The following YWHAQ variants were observed in gnomAD, a reference collection of about 807,000 sequenced individuals.
YWHAQ encodes the protein tyrosine 3-monooxygenase/tryptophan 5-monooxygenase activation protein theta.
In YWHAQ, 6 loss-of-function variants were observed where a neutral mutation model predicts 28.3. The ratio of observed to expected loss-of-function variants is 0.21; its 90% CI spans 0.12 to 0.42. The LOEUF is 0.42. Among genes scored for constraint, YWHAQ ranks in the 10% least tolerant of loss-of-function variants. The pLI is 1.00. For missense variants in YWHAQ, 201 were observed against 305.6 expected (o/e 0.66, Z 2.55); for synonymous variants, 143 against 119.1 (o/e 1.20, Z -1.31).
chr2:9,589,054 T>A (rs1666403416), intron 3 of YWHAQ, among the ~76,000 whole-genome samples: 1 of 151,786 alleles, frequency 6.6e-6, no homozygotes, highest in Non-Finnish European at 1.5e-5. Flanking sequence ...CCCAGGAGGT[T>A]GAAGCTGCAG....
intron 2 of YWHAQ, among the ~76,000 whole-genome samples, chr2:9,593,236 CTTTT>C (rs34085406): frequency 7.0e-5 from 8 of 114,936 alleles, no homozygotes; most frequent in South Asian, 3.1e-4. Flanking sequence ...GCATCCATGT[CTTTT>C]TTTTTTTTTT....
chr2:9,611,708 ACCCAG>A (rs1299559497), intron 2 of YWHAQ, among the ~76,000 whole-genome samples: 1 of 151,848 alleles, frequency 6.6e-6, no homozygotes, highest in African/African-American at 2.4e-5. Flanking sequence ...TCACTGTGTC[ACCCAG>A]AGGCTGGAAT....
At chr2:9,591,317 ACTGTCATAGTGTCCCATTTATCCC>A in intron 3 of YWHAQ, 51 bp downstream of exon 3, 1 of 1,513,788 alleles carries the variant, frequency 6.6e-7, no homozygotes, top group Non-Finnish European at 8.9e-7. Flanking sequence ...GACTACGTAT[ACTGTCATAGTGTCCCATTTATCCC>A]CATTTCTTTT....
At chr2:9,604,202 G>A (rs1666772433) in intron 2 of YWHAQ, among the ~76,000 whole-genome samples, 1 of 152,104 alleles carries the variant, frequency 6.6e-6, no homozygotes, top group African/African-American at 2.4e-5. Flanking sequence ...TTTAATTATG[G>A]AGTTAGAAGA....
At position 9,630,242 on chromosome 2, in the gene YWHAQ, T is replaced by C. The variant is rs749499495; in HGVS notation, c.211A>G (p.Thr71Ala). ...VISSIEQKTD[T>A]SDKKLQLIKD... ...ATCAGCTGCAACTTCTTGTCGGAGG[T>C]GTCGGTCTTCTGCTCGATGCTAGAG... The change falls in exon 2 of 6, where the codon ACC becomes GCC. Residue 71 changes from threonine (T) to alanine (A), a missense_variant. Thr to Ala is a moderately conservative substitution (Grantham distance 58). Around this residue, in one of 2 missense-constraint regions of YWHAQ, gnomAD observed 162 missense variants for 213.9 expected, o/e 0.76. Coordinates refer to ENST00000238081, the MANE Select transcript of YWHAQ (RefSeq NM_006826.4). This position sits in a 1 kb window ranked among gnomAD's most constrained non-coding sequence, Gnocchi z 5.6. 7.4e-6 allele frequency: 12 copies of C among 1,613,980 alleles called. No homozygotes were observed. Among genetic ancestry groups the C allele is most frequent in the South Asian group, 2.2e-5 (2 of 91,092 alleles).
intron 2 of YWHAQ, among the ~76,000 whole-genome samples, chr2:9,622,514 T>C (rs901158597): frequency 8.5e-5 from 13 of 152,354 alleles, no homozygotes; most frequent in Admixed American, 6.5e-4. Context: ...ATAAAGCTGT[T>C]ATTAACATTT....
In YWHAQ at chr2:9,630,529, C is replaced by T. The variant is rs1248541959; in HGVS notation, c.-77G>A. 1.0e-5 allele frequency: 14 copies of T among 1,391,212 alleles called. No homozygotes were observed. In the African/African-American group the frequency reaches 1.3e-4, roughly 13 times the overall value. The allele number at this position is 1,391,212 out of a possible 1,614,324, so 86.2% of individuals were successfully genotyped here. On this transcript the variant is annotated 5_prime_UTR_variant, in exon 2 of 6. Transcript: ENST00000238081. The surrounding 1 kb of genome is among the most constrained non-coding windows in gnomAD (Gnocchi z 5.6). ...CGCCGACCCGCAGCGGGAGGAGCCT[C>T]GAGAGCTGCGGAGGGGCGGGGCGGC... is the stretch of plus-strand genomic sequence containing the variant.
intron 2 of YWHAQ, among the ~76,000 whole-genome samples, chr2:9,602,110 C>T (rs1010781918): frequency 7.9e-5 from 12 of 152,130 alleles, no homozygotes; most frequent in African/African-American, 2.7e-4. Context: ...TTTCCCTCCT[C>T]CTCTATTCAC....
At chr2:9,607,196 CT>C (rs140196257) in intron 2 of YWHAQ, among the ~76,000 whole-genome samples, 21,720 of 139,606 alleles carry the variant, frequency 0.16, 1,956 homozygotes, top group Middle Eastern at 0.26. Context: ...TTTTCTATTA[CT>C]TTTTTTTTTC....
At chr2:9,618,413 T>G (rs374922601) in intron 2 of YWHAQ, among the ~76,000 whole-genome samples, 19 of 152,214 alleles carry the variant, frequency 1.2e-4, no homozygotes, top group African/African-American at 4.1e-4. Context: ...ATAAGTTTCC[T>G]TAGAGAAATT....
At position 9,616,439 on chromosome 2, in the gene YWHAQ, C is replaced by T. The variant is rs115027159; in HGVS notation, c.294+13720G>A. ...TTAGATCTTATACCAAAAACATAAG[C>T]AACCAAAAAAAAAAAAAAAGGACTT... is the stretch of plus-strand genomic sequence containing the variant. On this transcript the variant is annotated intron_variant, in intron 2 of 5. Coordinates refer to ENST00000238081, the MANE Select transcript of YWHAQ (RefSeq NM_006826.4). Among the ~76,000 whole-genome samples, 465 of 131,254 alleles carry T rather than the reference C, an allele frequency of 3.5e-3. 4 individuals are homozygous for T. Among genetic ancestry groups the T allele is most frequent in the African/African-American group, 0.013 (439 of 33,014 alleles). 86.1% of individuals were successfully genotyped at this position (131,254 alleles called of 152,430 possible).
intron 2 of YWHAQ, among the ~76,000 whole-genome samples, chr2:9,601,867 C>T (rs1666700708): frequency 6.6e-6 from 1 of 152,046 alleles, no homozygotes; most frequent in Non-Finnish European, 1.5e-5. Flanking sequence ...AGGGTGGTCT[C>T]GATCTCCTGA....
intron 2 of YWHAQ, among the ~76,000 whole-genome samples, chr2:9,625,854 C>A (rs940657320): frequency 2.0e-5 from 3 of 152,016 alleles, no homozygotes. Flanking sequence ...CCAGAGTCCA[C>A]GAAAATAAAA....
At chr2:9,605,877 T>A (rs969390040) in intron 2 of YWHAQ, among the ~76,000 whole-genome samples, 8 of 152,272 alleles carry the variant, frequency 5.3e-5, no homozygotes, top group African/African-American at 1.7e-4. Context: ...TACATTCTTT[T>A]AAGGATTCAA....
At chr2:9,591,283 TTATTA>T in intron 3 of YWHAQ, 104 bp downstream of exon 3, 1 of 1,303,404 alleles carries the variant, frequency 7.7e-7, no homozygotes, top group African/African-American at 1.5e-5. Flanking sequence ...ATACATTCAA[TTATTA>T]AGTCACAAAG....
In YWHAQ at chr2:9,588,195, G is replaced by A. The variant is rs767340019; in HGVS notation, c.552C>T (p.Asn184=). 2 of 1,589,488 alleles carry A rather than the reference G, an allele frequency of 1.3e-6. No individual in the cohort carries two copies. The highest frequency in any genetic ancestry group is 2.7e-5 in the African/African-American group (2 of 72,838). The part of the protein sequence containing the change: ...FSVFYYEILN[N]PELACTLAKT... ...TAGCCAGCGTGCAGGCAAGCTCTGG[G>A]TTATTAAGAATCTCATAGTAAAATA... Residue 184 remains asparagine, a synonymous_variant, in exon 4 of 6, where the codon AAC becomes AAT. Coordinates refer to ENST00000238081, the MANE Select transcript of YWHAQ (RefSeq NM_006826.4).
intron 2 of YWHAQ, among the ~76,000 whole-genome samples, chr2:9,595,635 C>CCT (rs371552424): frequency 3.6e-4 from 52 of 143,468 alleles, no homozygotes; most frequent in African/African-American, 1.3e-3. Flanking sequence ...ACCCAGGAGG[C>CCT]AGAAGTTCCA....
chr2:9,598,784 A>C (rs1666628361), intron 2 of YWHAQ, among the ~76,000 whole-genome samples: 1 of 152,168 alleles, frequency 6.6e-6, no homozygotes, highest in Non-Finnish European at 1.5e-5. Context: ...TGGCTTACCT[A>C]TTCCCTGAGA....
intron 2 of YWHAQ, among the ~76,000 whole-genome samples, chr2:9,624,751 CTTT>C (rs368023264): frequency 6.8e-6 from 1 of 146,050 alleles, no homozygotes; most frequent in Non-Finnish European, 1.5e-5. Context: ...CTATTTCACT[CTTT>C]TTTTTTTTTG....
Sources: allele counts gnomAD v4.1 joint callset (sites outside exome capture counted in the v4.1 genomes callset), GRCh38; gene constraint gnomAD v4.1.1; regional missense constraint gnomAD v4.1.1; non-coding constraint Gnocchi (gnomAD v3.1); transcripts MANE v1.5; gene names NCBI Gene and HGNC (gene_info 2026-07-23, HGNC 2026-07-21).